DLG2: variants seen among roughly 807,000 people sequenced by gnomAD.
DLG2 encodes the protein discs large MAGUK scaffold protein 2, also known as disks large homolog 2.
In DLG2, 45 loss-of-function variants were observed where a neutral mutation model predicts 132.5. That is an observed-to-expected ratio of 0.34 (90% CI 0.27 to 0.44). The LOEUF (loss-of-function observed/expected upper bound fraction) is 0.44. DLG2 is among the 20% of genes least tolerant of loss of function. DLG2 has a pLI of 1.00. For synonymous variants in DLG2, 424 were observed against 419.6 expected (o/e 1.01, Z -0.13); for missense variants, 1,045 against 1,196.9 (o/e 0.87, Z 1.87).
intron 6 of DLG2, among the ~76,000 whole-genome samples, chr11:84,655,499 T>C (rs941818873): frequency 6.6e-6 from 1 of 152,050 alleles, no homozygotes; most frequent in African/African-American, 2.4e-5. Flanking sequence ...ACCATCTATT[T>C]CTTAAGCAAA....
intron 3 of DLG2, among the ~76,000 whole-genome samples, chr11:85,430,667 G>T (rs926057688): frequency 1.3e-5 from 2 of 152,108 alleles, no homozygotes; most frequent in African/African-American, 4.8e-5. Context: ...ATTTCTGTGG[G>T]TTTGACTGCA....
chr11:84,457,770 A>C (rs1231918649), intron 7 of DLG2, among the ~76,000 whole-genome samples: 1 of 151,006 alleles, frequency 6.6e-6, no homozygotes, highest in African/African-American at 2.4e-5. Context: ...TTAATTTTCC[A>C]AAGTTATATT....
chr11:83,461,354 C>A (rs1591214421), intron 27 of DLG2, among the ~76,000 whole-genome samples: 1 of 152,110 alleles, frequency 6.6e-6, no homozygotes, highest in Admixed American at 6.5e-5. Flanking sequence ...GCAAATTTCA[C>A]AAAGTCTGAT....
chr11:85,240,750 G>A (rs906490735), intron 4 of DLG2, among the ~76,000 whole-genome samples: 1 of 151,556 alleles, frequency 6.6e-6, no homozygotes, highest in African/African-American at 2.4e-5. Context: ...TTCATTCTTG[G>A]TCAATTTATC....
chr11:83,584,929 C>G (rs141843445), intron 19 of DLG2, among the ~76,000 whole-genome samples: 38 of 152,278 alleles, frequency 2.5e-4, no homozygotes, highest in African/African-American at 8.9e-4. Flanking sequence ...AGACATGATT[C>G]CTGCCTTCAA....
At chr11:84,301,112 C>A (rs762601996) in intron 7 of DLG2, among the ~76,000 whole-genome samples, 2 of 152,124 alleles carry the variant, frequency 1.3e-5, no homozygotes, top group African/African-American at 2.4e-5. Context: ...TATATCCTCA[C>A]GAGAAGTGTA....
At chr11:83,925,701 T>C (rs930456892) in intron 15 of DLG2, among the ~76,000 whole-genome samples, 1 of 152,086 alleles carries the variant, frequency 6.6e-6, no homozygotes, top group Non-Finnish European at 1.5e-5. Flanking sequence ...TTAATTAGCC[T>C]TCATCTGGTT....
At chr11:83,581,075 G>A (rs2096967201) in intron 19 of DLG2, among the ~76,000 whole-genome samples, 1 of 151,686 alleles carries the variant, frequency 6.6e-6, no homozygotes, top group African/African-American at 2.4e-5. Context: ...GAACAAACTT[G>A]TCCACAGTTA....
At position 84,624,866 on chromosome 11, in the gene DLG2, T is replaced by TTTTTTTTTTTC. The variant is rs1301606993; in HGVS notation, c.358-90136_358-90135insGAAAAAAAAAA. ...TCAGAAGAGAGTCAACCTTTTTTTT[T>TTTTTTTTTTTC]TTTTTTTTTGAGACGGAGTCTCGCT... On this transcript the variant is annotated intron_variant, in intron 6 of 27. Transcript: ENST00000376104. 3.5e-4 allele frequency among the ~76,000 whole-genome samples: 35 copies of TTTTTTTTTTTC among 100,164 alleles called. 3 individuals are homozygous for TTTTTTTTTTTC. The highest frequency in any genetic ancestry group is 7.6e-5 in the African/African-American group (1 of 13,224). 65.7% of individuals were successfully genotyped at this position (100,164 alleles called of 152,430 possible). A position where few individuals can be genotyped will look rare whatever the true frequency, so the allele number is the denominator to read the frequency against.
chr11:84,115,513 G>A lies in DLG2; in HGVS notation c.625-16466C>T, dbSNP rs566576211. Among the ~76,000 whole-genome samples, 20 of 152,144 alleles carry A rather than the reference G, an allele frequency of 1.3e-4. 1 individual carries two copies. Among genetic ancestry groups the A allele is most frequent in the South Asian group, 1.0e-3 (5 of 4,806 alleles). On this transcript the variant is annotated intron_variant, in intron 9 of 27. Transcript: ENST00000376104. The stretch of plus-strand genomic sequence containing the variant: ...AGGGGACAAAAAAAATTTAAGTCAC[G>A]GACACCTGTCTCCTCTTTGACTTCT...
At chr11:85,317,508 T>C (rs932882044) in intron 3 of DLG2, among the ~76,000 whole-genome samples, 1 of 151,960 alleles carries the variant, frequency 6.6e-6, no homozygotes, top group African/African-American at 2.4e-5. Flanking sequence ...TATGGTCTGA[T>C]GGTAGAGACA....
chr11:84,049,089 C>T (rs2096298661), intron 11 of DLG2, among the ~76,000 whole-genome samples: 1 of 149,920 alleles, frequency 6.7e-6, no homozygotes, highest in Non-Finnish European at 1.5e-5. Context: ...TCACTTTGGC[C>T]ATATGGGCAT....
intron 22 of DLG2, among the ~76,000 whole-genome samples, chr11:83,481,107 T>C (rs934722156): frequency 6.6e-6 from 1 of 152,258 alleles, no homozygotes; most frequent in African/African-American, 2.4e-5. Context: ...ACTAGTGGCA[T>C]GGAACAGGCA....
intron 4 of DLG2, among the ~76,000 whole-genome samples, chr11:85,176,586 T>C (rs1361847541): frequency 6.6e-6 from 1 of 152,150 alleles, no homozygotes; most frequent in Non-Finnish European, 1.5e-5. Context: ...CCAAAAGCAA[T>C]TGCAACAAAA....
At chr11:85,111,858 T>C in intron 5 of DLG2, 123 bp from the exon 6 acceptor site, 1 of 686,704 alleles carries the variant, frequency 1.5e-6, no homozygotes, top group Non-Finnish European at 2.3e-6. Context: ...GAGAGAATGC[T>C]TTGTTGGTGC....
At chr11:83,600,077 A>G (rs2058276085) in intron 19 of DLG2, among the ~76,000 whole-genome samples, 7 of 152,222 alleles carry the variant, frequency 4.6e-5, no homozygotes. Context: ...GTTCTGGGCC[A>G]GAAACTGAGA....
At chr11:85,261,952 T>TCCAG (rs1484425133) in intron 4 of DLG2, among the ~76,000 whole-genome samples, 1 of 152,106 alleles carries the variant, frequency 6.6e-6, no homozygotes, top group Non-Finnish European at 1.5e-5. Context: ...CCTCAACCTG[T>TCCAG]CCAGCCAGTT....
At chr11:83,484,315 G>C (rs2093355694) in intron 21 of DLG2, 87 bp from the exon 22 acceptor site, 2 of 938,644 alleles carry the variant, frequency 2.1e-6, no homozygotes, top group East Asian at 4.9e-5. Context: ...GTTTGTAAAA[G>C]CACAGAGAGC....
intron 8 of DLG2, among the ~76,000 whole-genome samples, chr11:84,214,430 CAT>C (rs944552882): frequency 6.6e-6 from 1 of 150,806 alleles, no homozygotes; most frequent in Non-Finnish European, 1.5e-5. Flanking sequence ...ATATTCTATA[CAT>C]GTTTATATAT....
Sources: gnomAD v4.1 joint callset for allele counts (sites outside exome capture counted in the v4.1 genomes callset) on GRCh38, gnomAD v4.1.1 for gene constraint, MANE v1.5 for transcripts, NCBI Gene and HGNC (gene_info 2026-07-23, HGNC 2026-07-21) for gene names.